Variants in POU6F2 observed in about 807,000 individuals in gnomAD.
POU6F2 encodes the protein POU class 6 homeobox 2.
A neutral mutation model predicts 71.3 loss-of-function variants in POU6F2; 31 were observed. The observed-to-expected ratio is 0.43, with a 90% CI of 0.33 to 0.59. POU6F2 has a LOEUF of 0.59. POU6F2 is among the 20% of genes least tolerant of loss of function. The pLI is 0.04. For missense variants in POU6F2, 783 were observed against 856.8 expected (o/e 0.91, Z 1.07); for synonymous variants, 347 against 355.7 (o/e 0.98, Z 0.27).
At chr7:39,324,121 G>GA (rs1337504019) in intron 4 of POU6F2, among the ~76,000 whole-genome samples, 40 of 127,686 alleles carry the variant, frequency 3.1e-4, no homozygotes, top group Non-Finnish European at 5.5e-4. Context: ...AAAAAAAAAA[G>GA]AAAAAAAAAA....
chr7:39,444,834 A>G (rs1007877320), intron 7 of POU6F2, among the ~76,000 whole-genome samples: 2 of 152,200 alleles, frequency 1.3e-5, no homozygotes, highest in African/African-American at 4.8e-5. Flanking sequence ...CCACACAGAC[A>G]TTATTTTTGT....
chr7:39,089,367 G>C (rs1485870614), intron 2 of POU6F2, among the ~76,000 whole-genome samples: 2 of 152,212 alleles, frequency 1.3e-5, no homozygotes, highest in African/African-American at 4.8e-5. Context: ...GAACAGGCTT[G>C]CATGTGGTTG....
At chr7:39,168,202 C>T (rs985020512) in intron 2 of POU6F2, among the ~76,000 whole-genome samples, 2 of 152,088 alleles carry the variant, frequency 1.3e-5, no homozygotes, top group Non-Finnish European at 2.9e-5. Flanking sequence ...TTTTATTTCT[C>T]GAGAGCCTTC....
chr7:39,398,600 G>A (rs543375029), intron 5 of POU6F2, among the ~76,000 whole-genome samples: 2 of 152,056 alleles, frequency 1.3e-5, no homozygotes, highest in African/African-American at 4.8e-5. Context: ...GGTAGTCAAG[G>A]AAGGTGGCTC....
chr7:39,076,954 A>T (rs370075668), intron 1 of POU6F2, among the ~76,000 whole-genome samples: 1 of 152,326 alleles, frequency 6.6e-6, no homozygotes, highest in South Asian at 2.1e-4. Context: ...TCTTTTTAGG[A>T]CAGAGATCAG....
At chr7:39,208,560 A>G (rs1252781160) in intron 4 of POU6F2, among the ~76,000 whole-genome samples, 1 of 152,224 alleles carries the variant, frequency 6.6e-6, no homozygotes, top group African/African-American at 2.4e-5. Flanking sequence ...AGTCCACAAG[A>G]CTAAGAAACA....
intron 5 of POU6F2, among the ~76,000 whole-genome samples, chr7:39,393,843 A>G (rs887439148): frequency 6.6e-6 from 1 of 152,190 alleles, no homozygotes; most frequent in Non-Finnish European, 1.5e-5. Flanking sequence ...ATTATGCATA[A>G]CATTTGTTAC....
chr7:39,258,161 G>A (rs943720252), intron 4 of POU6F2, among the ~76,000 whole-genome samples: 3 of 152,104 alleles, frequency 2.0e-5, no homozygotes, highest in East Asian at 1.9e-4. Flanking sequence ...ATAATACCAC[G>A]TAGATGACTT....
At chr7:39,117,641 G>A (rs988642578) in intron 2 of POU6F2, among the ~76,000 whole-genome samples, 2 of 152,154 alleles carry the variant, frequency 1.3e-5, no homozygotes, top group African/African-American at 4.8e-5. Flanking sequence ...GCCGACAAGA[G>A]GGAACCAGTC....
At chr7:39,007,989 G>A (rs13243718) in intron 1 of POU6F2, among the ~76,000 whole-genome samples, 47,808 of 145,996 alleles carry the variant, frequency 0.33, 8,357 homozygotes, top group East Asian at 0.69. Flanking sequence ...ATAAACATAC[G>A]TGTGCATGTG....
At chr7:39,432,661 A>T (rs1446695067) in intron 6 of POU6F2, among the ~76,000 whole-genome samples, 2 of 151,938 alleles carry the variant, frequency 1.3e-5, no homozygotes, top group Non-Finnish European at 2.9e-5. Context: ...AGGATCCCCT[A>T]GTTCAGAAAG....
rs201007026 is a variant in POU6F2, at chr7:39,086,080, G to C, written c.277+49G>C. On this transcript the variant is annotated intron_variant, in intron 2 of 9. Transcript: ENST00000518318. The stretch of plus-strand genomic sequence containing the variant: ...TTCAGTACTACCATGTTGTCCGGAA[G>C]AGCAATCCAACCCCCCCAACCCCCC... 23 of 1,574,258 alleles carry C rather than the reference G, an allele frequency of 1.5e-5. No homozygotes were observed. In the East Asian group the frequency reaches 4.8e-4, roughly 33 times the overall value.
chr7:39,263,099 C>T (rs1370331372), intron 4 of POU6F2, among the ~76,000 whole-genome samples: 1 of 152,096 alleles, frequency 6.6e-6, no homozygotes, highest in African/African-American at 2.4e-5. Flanking sequence ...CTTTTGTGTG[C>T]TTTTTATTAT....
At chr7:38,989,417 C>A (rs563659179) in intron 1 of POU6F2, among the ~76,000 whole-genome samples, 48 of 151,804 alleles carry the variant, frequency 3.2e-4, no homozygotes, top group African/African-American at 1.1e-3. Context: ...GTAAATAGGG[C>A]AGCCATAAAA....
chr7:39,375,707 C>G (rs1201611781), intron 5 of POU6F2, among the ~76,000 whole-genome samples: 2 of 151,934 alleles, frequency 1.3e-5, no homozygotes, highest in African/African-American at 4.8e-5. Flanking sequence ...AGAAGATAAA[C>G]TTTAACACAG....
chr7:39,451,530 T>C lies in POU6F2; in HGVS notation c.1321-3T>C. On this transcript the variant is annotated splice_polypyrimidine_tract_variant and splice_region_variant and intron_variant, in intron 7 of 9. Coordinates refer to ENST00000518318, the MANE Select transcript of POU6F2 (RefSeq NM_001370959.1). ...TGTATTTTTTTTACATCCCCTCATGTAGCTCCACCAACCCTCCCAGACGTC... is the reference window on the plus strand; with the variant it reads ...TGTATTTTTTTTACATCCCCTCATGCAGCTCCACCAACCCTCCCAGACGTC... 1 of 1,610,630 alleles carries C rather than the reference T, an allele frequency of 6.2e-7. No homozygotes were observed. The highest frequency in any genetic ancestry group is 8.5e-7 in the Non-Finnish European group (1 of 1,177,580).
chr7:39,058,602 T>C (rs1207572262), intron 1 of POU6F2, among the ~76,000 whole-genome samples: 1 of 152,232 alleles, frequency 6.6e-6, no homozygotes, highest in Non-Finnish European at 1.5e-5. Flanking sequence ...ATGGTTATTT[T>C]CACTAGACAT....
At chr7:39,296,928 TC>T (rs1445060257) in intron 4 of POU6F2, among the ~76,000 whole-genome samples, 1 of 152,190 alleles carries the variant, frequency 6.6e-6, no homozygotes, top group African/African-American at 2.4e-5. Flanking sequence ...ATTTATTTAT[TC>T]AAAGCCACAG....
intron 4 of POU6F2, among the ~76,000 whole-genome samples, chr7:39,312,512 T>C (rs1231036439): frequency 6.6e-6 from 1 of 152,066 alleles, no homozygotes. Context: ...CTACAGGAGT[T>C]CCCCCTTTAT....
Sources: allele counts gnomAD v4.1 joint callset (sites outside exome capture counted in the v4.1 genomes callset), GRCh38; gene constraint gnomAD v4.1.1; transcripts MANE v1.5; gene names NCBI Gene and HGNC (gene_info 2026-07-23, HGNC 2026-07-21).